The following PALM2AKAP2 variants were observed in gnomAD, a reference collection of about 807,000 sequenced individuals.
The protein encoded by PALM2AKAP2 is PALM2 and AKAP2 fusion.
PALM2AKAP2 carries 37 observed loss-of-function variants against 71.5 expected under a neutral mutation model. That is an observed-to-expected ratio of 0.52 (90% CI 0.40 to 0.68). The LOEUF is 0.68. PALM2AKAP2 is among the 30% of genes least tolerant of loss of function. The probability of loss-of-function intolerance (pLI) is 0.00; values close to 1 mark genes in which losing one functional copy is unlikely to be tolerated. For synonymous variants in PALM2AKAP2, 468 were observed against 478.8 expected, an observed-to-expected ratio of 0.98 and a Z score of 0.29; for missense variants, 1,224 against 1,191.8, an observed-to-expected ratio of 1.03 and a Z score of -0.40.
At chr9:109,973,301 C>T (rs534979361) in intron 6 of PALM2AKAP2, among the ~76,000 whole-genome samples, 1 of 152,280 alleles carries the variant, frequency 6.6e-6, no homozygotes, top group East Asian at 1.9e-4. Context: ...ACCAGTTGGC[C>T]TTCTCTCTAC....
intron 1 of PALM2AKAP2, among the ~76,000 whole-genome samples, chr9:110,122,587 G>C (rs1835512446): frequency 6.6e-6 from 1 of 152,166 alleles, no homozygotes; most frequent in South Asian, 2.1e-4. Context: ...GTATAGAAGG[G>C]TATGTGGCAC....
chr9:110,098,547 G>T (rs2118852354), intron 1 of PALM2AKAP2, among the ~76,000 whole-genome samples: 1 of 152,310 alleles, frequency 6.6e-6, no homozygotes, highest in Admixed American at 6.5e-5. Flanking sequence ...TACCTATTAT[G>T]TGCTGGACAC....
chr9:109,907,885 C>T (rs760382721), intron 3 of PALM2AKAP2, among the ~76,000 whole-genome samples: 2 of 152,178 alleles, frequency 1.3e-5, no homozygotes, highest in Non-Finnish European at 2.9e-5. Flanking sequence ...CCATAGCACC[C>T]CATGCCGACC....
intron 1 of PALM2AKAP2, among the ~76,000 whole-genome samples, chr9:109,835,498 G>C (rs1828444453): frequency 6.6e-6 from 1 of 152,112 alleles, no homozygotes; most frequent in African/African-American, 2.4e-5. Flanking sequence ...TGAGGTACTG[G>C]GTTCATCTCA....
chr9:110,054,735 G>A (rs1368091365), intron 1 of PALM2AKAP2, among the ~76,000 whole-genome samples: 1 of 151,972 alleles, frequency 6.6e-6, no homozygotes, highest in Non-Finnish European at 1.5e-5. Context: ...ACCATGCCTG[G>A]CTGTTTTTCT....
At chr9:109,785,281 C>G (rs751310325) in intron 1 of PALM2AKAP2, among the ~76,000 whole-genome samples, 1 of 152,180 alleles carries the variant, frequency 6.6e-6, no homozygotes, top group African/African-American at 2.4e-5. Flanking sequence ...TAAAAATGAT[C>G]TTTGCATTTG....
At chr9:109,786,799 GA>G (rs34803690) in intron 1 of PALM2AKAP2, among the ~76,000 whole-genome samples, 5 of 151,400 alleles carry the variant, frequency 3.3e-5, no homozygotes, top group Admixed American at 6.6e-5. Context: ...AGTTATCATG[GA>G]AAAAAAAAGT....
At chr9:109,899,104 G>C (rs1055573899) in intron 3 of PALM2AKAP2, among the ~76,000 whole-genome samples, 3 of 152,018 alleles carry the variant, frequency 2.0e-5, no homozygotes, top group African/African-American at 7.2e-5. Context: ...TTTTTCTCCA[G>C]ACCTACCCAT....
intron 1 of PALM2AKAP2, among the ~76,000 whole-genome samples, chr9:109,691,556 G>T (rs909935245): frequency 6.6e-6 from 1 of 151,798 alleles, no homozygotes; most frequent in Admixed American, 6.6e-5. Flanking sequence ...CTAACAATTA[G>T]AAAACTCTTA....
chr9:109,868,758 G>T (rs1307483813), intron 2 of PALM2AKAP2, among the ~76,000 whole-genome samples: 1 of 152,176 alleles, frequency 6.6e-6, no homozygotes, highest in Non-Finnish European at 1.5e-5. Flanking sequence ...ATGATACTAA[G>T]GATATTGCCT....
intron 1 of PALM2AKAP2, among the ~76,000 whole-genome samples, chr9:110,105,895 G>C (rs1426242043): frequency 6.6e-6 from 1 of 152,178 alleles, no homozygotes; most frequent in Admixed American, 6.5e-5. Context: ...ATGTAATGTT[G>C]TAAGAAAAGA....
intron 7 of PALM2AKAP2, among the ~76,000 whole-genome samples, chr9:110,035,347 AT>A (rs1278710530): frequency 5.4e-5 from 4 of 74,716 alleles, no homozygotes; most frequent in South Asian, 3.9e-4. Flanking sequence ...CATATTATAT[AT>A]ATTATATGTA....
At chr9:110,006,604 C>G (rs1639624406) in intron 6 of PALM2AKAP2, among the ~76,000 whole-genome samples, 1 of 152,032 alleles carries the variant, frequency 6.6e-6, no homozygotes, top group Non-Finnish European at 1.5e-5. Context: ...CTCAAGTAAT[C>G]CTCCCACCTC....
At position 109,798,858 on chromosome 9, in the gene PALM2AKAP2, G is replaced by A. The variant is rs117774988; in HGVS notation, c.45+18325G>A. Among the ~76,000 whole-genome samples the A allele has an allele frequency of 1.8e-3, 270 of 152,348 alleles. 9 individuals are homozygous for A. The East Asian group carries it at 0.044, about 25-fold the overall frequency. ...TTTCAGAGAAAACAGAAGCTCAGCT[G>A]AGTAATTTGTTCAAGATCATCCAGG... On this transcript the variant is annotated intron_variant, in intron 1 of 9. Coordinates refer to the PALM2AKAP2 transcript ENST00000302798.
At chr9:109,687,392 T>C (rs996591490) in intron 1 of PALM2AKAP2, among the ~76,000 whole-genome samples, 4 of 152,214 alleles carry the variant, frequency 2.6e-5, no homozygotes. Context: ...TCATTCCTTA[T>C]CTTAGTTAGA....
upstream of PALM2AKAP2, among the ~76,000 whole-genome samples, chr9:110,044,344 C>CTTTTTTTTTTT (rs57314430): frequency 4.7e-4 from 38 of 80,156 alleles, no homozygotes; most frequent in African/African-American, 5.0e-4. Context: ...TTCTTTCTTT[C>CTTTTTTTTTTT]TTTTTTTTTT....
At chr9:109,934,257 C>T (rs527602139) in intron 6 of PALM2AKAP2, among the ~76,000 whole-genome samples, 3 of 152,310 alleles carry the variant, frequency 2.0e-5, no homozygotes, top group Non-Finnish European at 4.4e-5. Flanking sequence ...TCCAAGTTTC[C>T]CATTCCATCT....
At chr9:109,680,149 A>C (rs558565499) in intron 1 of PALM2AKAP2, among the ~76,000 whole-genome samples, 16 of 152,348 alleles carry the variant, frequency 1.1e-4, no homozygotes, top group African/African-American at 3.8e-4. Context: ...CTCTGGCTAC[A>C]TCTGGGGCTG....
At chr9:109,643,067 G>T (rs926115936) in intron 1 of PALM2AKAP2, among the ~76,000 whole-genome samples, 1 of 145,438 alleles carries the variant, frequency 6.9e-6, no homozygotes, top group East Asian at 2.0e-4. Flanking sequence ...GAGAAAGAAA[G>T]AAAGAGAAAG....
Sources: allele counts gnomAD v4.1 joint callset (sites outside exome capture counted in the v4.1 genomes callset), GRCh38; gene constraint gnomAD v4.1.1; transcripts MANE v1.5; gene names NCBI Gene and HGNC (gene_info 2026-07-23, HGNC 2026-07-21).